The following SDK1 variants were observed in gnomAD, a reference collection of about 807,000 sequenced individuals.
SDK1 encodes the protein sidekick cell adhesion molecule 1, also known as protein sidekick-1.
A neutral mutation model predicts 245.5 loss-of-function variants in SDK1; 157 were observed. The observed-to-expected ratio is 0.64, with a 90% CI of 0.56 to 0.73. The LOEUF (loss-of-function observed/expected upper bound fraction) is 0.73. Ranked by LOEUF, SDK1 falls within the 30% of genes least tolerant of loss-of-function variation. SDK1 has a pLI of 0.00. For synonymous variants in SDK1, 1,647 were observed against 1,278.5 expected (o/e 1.29, Z -6.15); for missense variants, 3,583 against 3,002.3 (o/e 1.19, Z -4.52).
intron 4 of SDK1, among the ~76,000 whole-genome samples, chr7:3,718,265 C>G (rs1026462845): frequency 1.3e-5 from 2 of 151,964 alleles, no homozygotes; most frequent in African/African-American, 4.8e-5. Context: ...TTTCAAAGGC[C>G]GAGATGGGTG....
rs116958357 is a variant in SDK1, at chr7:3,694,803, C to T, written c.713+52698C>T. 2.8e-3 allele frequency among the ~76,000 whole-genome samples: 423 copies of T among 152,232 alleles called. 3 individuals are homozygous for T. The highest frequency in any genetic ancestry group is 0.017 in the South Asian group (83 of 4,816). ...TAATTCCTATCGTAAGTTTGTGAAC[C>T]ATTGCACTAGAACAGGATTCTTAAT... is the stretch of plus-strand genomic sequence containing the variant. On this transcript the variant is annotated intron_variant, in intron 4 of 44. Coordinates refer to ENST00000404826, the MANE Select transcript of SDK1 (RefSeq NM_152744.4).
chr7:3,406,490 G>A (rs1317789222), intron 1 of SDK1, among the ~76,000 whole-genome samples: 1 of 152,190 alleles, frequency 6.6e-6, no homozygotes, highest in Non-Finnish European at 1.5e-5. Context: ...TGGTCGGACA[G>A]ACCTTGTTTA....
intron 1 of SDK1, among the ~76,000 whole-genome samples, chr7:3,410,621 C>G (rs969772830): frequency 8.3e-6 from 1 of 120,900 alleles, no homozygotes; most frequent in South Asian, 2.8e-4. Context: ...GAGTCTTGCT[C>G]TGTCGCCTAG....
At chr7:3,335,643 TA>T (rs1308369724) in intron 1 of SDK1, among the ~76,000 whole-genome samples, 1 of 152,044 alleles carries the variant, frequency 6.6e-6, no homozygotes. Context: ...GAAATAGTAG[TA>T]AAATATGGGA....
intron 1 of SDK1, among the ~76,000 whole-genome samples, chr7:3,319,287 C>A (rs925807935): frequency 1.3e-5 from 2 of 152,092 alleles, no homozygotes; most frequent in Non-Finnish European, 2.9e-5. Flanking sequence ...AGGGATGGCT[C>A]TCATTTGACA....
chr7:4,005,393 A>AGTGTGTGTGTGTGTGTGTGT (rs71032920), intron 14 of SDK1, among the ~76,000 whole-genome samples: 2 of 129,818 alleles, frequency 1.5e-5, no homozygotes, highest in Non-Finnish European at 3.2e-5. Flanking sequence ...TTCTTATGTG[A>AGTGTGTGTGTGTGTGTGTGT]GTGTGTGTGT....
chr7:3,551,537 AGCTT>A (rs1275865695), intron 1 of SDK1, among the ~76,000 whole-genome samples: 1 of 151,664 alleles, frequency 6.6e-6, no homozygotes, highest in Non-Finnish European at 1.5e-5. Flanking sequence ...TTAAACTGAA[AGCTT>A]GCTTTGCTTG....
intron 1 of SDK1, among the ~76,000 whole-genome samples, chr7:3,600,707 C>T (rs568001630): frequency 6.6e-6 from 1 of 151,720 alleles, no homozygotes; most frequent in Non-Finnish European, 1.5e-5. Flanking sequence ...CACCACCACG[C>T]CCGGTTAATT....
At chr7:3,351,996 A>G (rs1177142899) in intron 1 of SDK1, among the ~76,000 whole-genome samples, 1 of 152,084 alleles carries the variant, frequency 6.6e-6, no homozygotes, top group African/African-American at 2.4e-5. Context: ...GTATTGATAA[A>G]TTTCAAATGA....
intron 1 of SDK1, among the ~76,000 whole-genome samples, chr7:3,320,267 G>A (rs1402750429): frequency 8.1e-6 from 1 of 123,638 alleles, no homozygotes; most frequent in African/African-American, 3.3e-5. Flanking sequence ...TGCAGTTACA[G>A]CTTTTTTTTT....
intron 4 of SDK1, among the ~76,000 whole-genome samples, chr7:3,725,495 T>G (rs554410732): frequency 6.6e-6 from 1 of 152,008 alleles, no homozygotes; most frequent in Non-Finnish European, 1.5e-5. Flanking sequence ...CAAGAAACTG[T>G]GATGAGATCC....
At chr7:3,573,521 A>C (rs1175476180) in intron 1 of SDK1, among the ~76,000 whole-genome samples, 1 of 152,062 alleles carries the variant, frequency 6.6e-6, no homozygotes, top group East Asian at 1.9e-4. Context: ...CCTGAGAAAC[A>C]ACAGCCTCCA....
intron 26 of SDK1, chr7:4,129,666 A>T: frequency 7.2e-7 from 1 of 1,380,094 alleles, no homozygotes; most frequent in Non-Finnish European, 9.3e-7. Flanking sequence ...ATGACCAGGC[A>T]GCAGGCTCGC....
chr7:3,581,258 A>G (rs1447662136), intron 1 of SDK1, among the ~76,000 whole-genome samples: 1 of 152,166 alleles, frequency 6.6e-6, no homozygotes, highest in Non-Finnish European at 1.5e-5. Flanking sequence ...AAATTTACAA[A>G]AAAAACCTAT....
intron 4 of SDK1, among the ~76,000 whole-genome samples, chr7:3,676,084 G>A (rs1783884389): frequency 6.6e-6 from 1 of 152,056 alleles, no homozygotes; most frequent in Non-Finnish European, 1.5e-5. Flanking sequence ...TTCCACCTCA[G>A]CCTCCCAAGT....
chr7:3,415,930 A>G (rs1779354351), intron 1 of SDK1, among the ~76,000 whole-genome samples: 1 of 152,086 alleles, frequency 6.6e-6, no homozygotes, highest in African/African-American at 2.4e-5. Context: ...CATCCTGCTC[A>G]TTGTCTCTGC....
chr7:3,593,557 C>G (rs1465868552), intron 1 of SDK1, among the ~76,000 whole-genome samples: 1 of 152,208 alleles, frequency 6.6e-6, no homozygotes, highest in Non-Finnish European at 1.5e-5. Flanking sequence ...TATTGCCGTA[C>G]TGCATTGACT....
At chr7:3,328,022 T>C (rs35785661) in intron 1 of SDK1, among the ~76,000 whole-genome samples, 36,460 of 151,992 alleles carry the variant, frequency 0.24, 4,762 homozygotes, top group East Asian at 0.39. Context: ...CTGTGAAAAT[T>C]AGATTACTAT....
chr7:3,641,944 C>T lies in SDK1; in HGVS notation c.566-14C>T. 1 of 1,607,040 alleles carries T rather than the reference C, an allele frequency of 6.2e-7. No homozygotes were observed. On this transcript the variant is annotated splice_polypyrimidine_tract_variant and intron_variant, in intron 3 of 44. Coordinates refer to ENST00000404826, the MANE Select transcript of SDK1 (RefSeq NM_152744.4). ...TGTTTTCTAGAACTTGAAAGCACTT[C>T]TTTTTCTCTGCAGATATGGGAAGTT...
Sources: gnomAD v4.1 joint callset for allele counts (sites outside exome capture counted in the v4.1 genomes callset) on GRCh38, gnomAD v4.1.1 for gene constraint, MANE v1.5 for transcripts, NCBI Gene and HGNC (gene_info 2026-07-23, HGNC 2026-07-21) for gene names.